DENND1B: variants seen among roughly 807,000 people sequenced by gnomAD.
DENND1B encodes the protein DENN domain-containing protein 1B.
Under a neutral mutation model 90.1 loss-of-function variants are expected in DENND1B, and 59 were observed. That is an observed-to-expected ratio of 0.65 (90% CI 0.53 to 0.81). DENND1B has a LOEUF of 0.81. Ranked by LOEUF, DENND1B falls within the 40% of genes least tolerant of loss-of-function variation. The pLI is 0.00. For synonymous variants in DENND1B, 337 were observed against 324.6 expected (o/e 1.04, Z -0.41); for missense variants, 862 against 912.6 (o/e 0.94, Z 0.71).
intron 15 of DENND1B, among the ~76,000 whole-genome samples, chr1:197,580,087 C>CTTTTTTTTTTTTTTTTTTTT (rs139056668): frequency 5.2e-5 from 4 of 76,760 alleles, no homozygotes; most frequent in East Asian, 4.4e-4. Context: ...TTCTTTCTTT[C>CTTTTTTTTTTTTTTTTTTTT]TTTTTTTTTT....
chr1:197,638,483 G>C (rs868834546), intron 10 of DENND1B, among the ~76,000 whole-genome samples: 1 of 152,142 alleles, frequency 6.6e-6, no homozygotes, highest in Non-Finnish European at 1.5e-5. Context: ...GGCCAGCCGG[G>C]TGTTTGAGAC....
intron 10 of DENND1B, among the ~76,000 whole-genome samples, chr1:197,618,558 C>G (rs1048829119): frequency 6.6e-6 from 1 of 151,080 alleles, no homozygotes; most frequent in Non-Finnish European, 1.5e-5. Context: ...TAGTACTTAA[C>G]AAAAGGATAT....
intron 3 of DENND1B, among the ~76,000 whole-genome samples, 173 bp from the exon 4 acceptor site, chr1:197,674,342 T>C (rs976890477): frequency 1.3e-5 from 2 of 152,198 alleles, no homozygotes; most frequent in Non-Finnish European, 2.9e-5. Context: ...ATTAAGTTTG[T>C]GCTTTGGCAG....
At chr1:197,636,860 G>C (rs1679841388) in intron 10 of DENND1B, among the ~76,000 whole-genome samples, 1 of 152,028 alleles carries the variant, frequency 6.6e-6, no homozygotes, top group South Asian at 2.1e-4. Context: ...ACAGATGAGA[G>C]GGAGGAGTGA....
At chr1:197,560,452 A>T (rs984315239) in intron 15 of DENND1B, among the ~76,000 whole-genome samples, 1 of 151,886 alleles carries the variant, frequency 6.6e-6, no homozygotes, top group African/African-American at 2.4e-5. Flanking sequence ...TAGACTTCCT[A>T]AGGGAAGTTA....
intron 5 of DENND1B, among the ~76,000 whole-genome samples, chr1:197,659,175 G>A (rs1654151800): frequency 6.6e-6 from 1 of 151,350 alleles, no homozygotes; most frequent in African/African-American, 2.4e-5. Context: ...AATACAACAT[G>A]CTACTTTTAA....
intron 18 of DENND1B, 48 bp downstream of exon 18, chr1:197,545,873 AT>A: frequency 6.9e-7 from 1 of 1,456,988 alleles, no homozygotes; most frequent in Non-Finnish European, 9.4e-7. Context: ...ACCTAGGAAA[AT>A]GTTTTATAAT....
At chr1:197,735,392 C>G (rs969772838) in intron 2 of DENND1B, 70 of 1,399,150 alleles carry the variant, frequency 5.0e-5, no homozygotes, top group Non-Finnish European at 6.3e-5. Flanking sequence ...ATTTAAAAGT[C>G]CAAGACCTCA....
intron 20 of DENND1B, among the ~76,000 whole-genome samples, chr1:197,526,648 G>A (rs1368398400): frequency 6.6e-6 from 1 of 152,072 alleles, no homozygotes; most frequent in Non-Finnish European, 1.5e-5. Context: ...TAAGGTACAT[G>A]TCAACTTTAA....
At chr1:197,619,794 T>C (rs572533984) in intron 10 of DENND1B, among the ~76,000 whole-genome samples, 18 of 151,318 alleles carry the variant, frequency 1.2e-4, no homozygotes, top group African/African-American at 4.3e-4. Flanking sequence ...ATTTGACTGA[T>C]TTCTTAGAGG....
chr1:197,729,313 G>A (rs1249144593), intron 2 of DENND1B, among the ~76,000 whole-genome samples: 1 of 151,968 alleles, frequency 6.6e-6, no homozygotes, highest in East Asian at 1.9e-4. Context: ...CCATTCAATG[G>A]ATATATATAA....
chr1:197,628,104 G>A (rs564317724), intron 10 of DENND1B, among the ~76,000 whole-genome samples: 1 of 152,162 alleles, frequency 6.6e-6, no homozygotes, highest in East Asian at 1.9e-4. Flanking sequence ...TACTGCCCAA[G>A]GTATTTTATA....
At chr1:197,746,628 A>G in intron 2 of DENND1B, 1 of 614,956 alleles carries the variant, frequency 1.6e-6, no homozygotes, top group Non-Finnish European at 2.9e-6. Context: ...CAAACTCCCA[A>G]ATTTTATGCT....
chr1:197,747,768 G>GA (rs967488517), intron 2 of DENND1B, among the ~76,000 whole-genome samples: 5 of 152,196 alleles, frequency 3.3e-5, no homozygotes, highest in Non-Finnish European at 5.9e-5. Flanking sequence ...CTACACTCAG[G>GA]GTTCCTCTTC....
At chr1:197,518,668 GGCTTAGCTAGTCAATACT>G (rs1668566437) in intron 20 of DENND1B, among the ~76,000 whole-genome samples, 1 of 151,842 alleles carries the variant, frequency 6.6e-6, no homozygotes, top group African/African-American at 2.4e-5. Flanking sequence ...AAATTCTGAA[GGCTTAGCTAGTCAATACT>G]GCATGGCTCT....
intron 2 of DENND1B, chr1:197,735,868 T>G (rs1662625402): frequency 1.9e-6 from 3 of 1,575,846 alleles, no homozygotes; most frequent in South Asian, 2.2e-5. Context: ...GCAGTCAAAT[T>G]GCAGGGGGCT....
chr1:197,519,262 G>C (rs1456736399), intron 20 of DENND1B, among the ~76,000 whole-genome samples: 2 of 151,746 alleles, frequency 1.3e-5, no homozygotes, highest in Non-Finnish European at 2.9e-5. Context: ...TTATTCTTTA[G>C]GTCAGGCAGA....
chr1:197,656,153 CT>C (rs1184881143), intron 6 of DENND1B, among the ~76,000 whole-genome samples: 21 of 152,130 alleles, frequency 1.4e-4, no homozygotes, highest in African/African-American at 4.6e-4. Context: ...CTTCAAGACT[CT>C]TTTCATCTCT....
chr1:197,607,763 C>T (rs1676822823), intron 12 of DENND1B, among the ~76,000 whole-genome samples: 1 of 150,526 alleles, frequency 6.6e-6, no homozygotes, highest in Non-Finnish European at 1.5e-5. Context: ...AATTTAATAG[C>T]CTATCAGACT....
Sources: gnomAD v4.1 joint callset for allele counts (sites outside exome capture counted in the v4.1 genomes callset) on GRCh38, gnomAD v4.1.1 for gene constraint, MANE v1.5 for transcripts, NCBI Gene and HGNC (gene_info 2026-07-23, HGNC 2026-07-21) for gene names.